ABCB5: variants seen among roughly 807,000 people sequenced by gnomAD.
The protein encoded by ABCB5 is ATP binding cassette subfamily B member 5.
Under a neutral mutation model 144.2 loss-of-function variants are expected in ABCB5, and 155 were observed. That is an observed-to-expected ratio of 1.08 (90% confidence interval 0.94 to 1.23). The LOEUF (loss-of-function observed/expected upper bound fraction) is 1.23. ABCB5 is among the 50% of genes most tolerant of loss of function. The pLI is 0.00. For missense variants in ABCB5, 1,830 were observed against 1,520.8 expected, an observed-to-expected ratio of 1.20 and a Z score of -3.38; for synonymous variants, 610 against 528.6, an observed-to-expected ratio of 1.15 and a Z score of -2.11.
At chr7:20,666,650 T>C (rs1481421083) in intron 14 of ABCB5, 7 of 1,372,290 alleles carry the variant, frequency 5.1e-6, no homozygotes, top group Non-Finnish European at 5.7e-6. Flanking sequence ...CCTGTCTTCC[T>C]GGTGACCTTT....
At chr7:20,653,296 G>T (rs1784665097) in intron 13 of ABCB5, among the ~76,000 whole-genome samples, 1 of 152,168 alleles carries the variant, frequency 6.6e-6, no homozygotes. Context: ...AGCTTATCAT[G>T]ATGAAACCTA....
chr7:20,707,808 T>C (rs926510141), intron 20 of ABCB5, among the ~76,000 whole-genome samples: 2,295 of 142,370 alleles, frequency 0.016, 35 homozygotes, highest in Non-Finnish European at 0.026. Context: ...TTTCTTTTTT[T>C]TTTTTTTTTT....
chr7:20,726,358 CTTTTTTTTTT>C (rs1172285058), intron 21 of ABCB5, among the ~76,000 whole-genome samples: 4 of 78,420 alleles, frequency 5.1e-5, no homozygotes, highest in African/African-American at 1.1e-4. Flanking sequence ...TCTCTGCTAT[CTTTTTTTTTT>C]TTTTTTTTTT....
chr7:20,697,231 T>G (rs1160426619), intron 16 of ABCB5, among the ~76,000 whole-genome samples: 1 of 152,160 alleles, frequency 6.6e-6, no homozygotes, highest in African/African-American at 2.4e-5. Flanking sequence ...AAAATGGACT[T>G]TAAAGGCATC....
intron 3 of ABCB5, among the ~76,000 whole-genome samples, chr7:20,627,845 G>A (rs1247356804): frequency 6.6e-6 from 1 of 152,176 alleles, no homozygotes; most frequent in African/African-American, 2.4e-5. Context: ...CGTTGAAAAT[G>A]TGCAGATCAG....
rs139479024 is a variant in ABCB5, at chr7:20,742,991, G to C, written c.3139G>C (p.Ala1047Pro). 2.5e-5 allele frequency: 41 copies of C among 1,614,160 alleles called. No individual in the cohort carries two copies. In the African/African-American group the frequency reaches 5.2e-4, roughly 20 times the overall value. Residue 1047 changes from alanine to proline, a missense_variant, in exon 25 of 28, where the codon GCA becomes CCA. By Grantham distance (27) the Ala-to-Pro change is conservative. Transcript: ENST00000404938. ...CAGTATTGAGCGAGGAAAGACAGTA[G>C]CATTTGTGGGGAGCAGCGGCTGTGG... ...SLSIERGKTV[A>P]FVGSSGCGKS... is the part of the protein sequence containing the mutation.
intron 26 of ABCB5, among the ~76,000 whole-genome samples, chr7:20,746,373 C>T (rs1177606193): frequency 6.6e-6 from 1 of 152,248 alleles, no homozygotes; most frequent in Non-Finnish European, 1.5e-5. Flanking sequence ...GCTGGGATTA[C>T]AGGCGTGAGC....
At chr7:20,709,131 T>C (rs1786923033) in intron 20 of ABCB5, among the ~76,000 whole-genome samples, 2 of 152,214 alleles carry the variant, frequency 1.3e-5, no homozygotes, top group South Asian at 4.1e-4. Context: ...GAGCAACTGT[T>C]CTCACCAAAT....
chr7:20,647,266 C>A (rs997623337), intron 9 of ABCB5: 3 of 1,171,538 alleles, frequency 2.6e-6, no homozygotes, highest in Non-Finnish European at 2.1e-6. Context: ...CATGTGATAA[C>A]CACAAGACTA....
chr7:20,640,891 T>C (rs1398948328), intron 5 of ABCB5, among the ~76,000 whole-genome samples: 1 of 152,174 alleles, frequency 6.6e-6, no homozygotes, highest in Non-Finnish European at 1.5e-5. Flanking sequence ...GCAGATTCTT[T>C]CTCTTCATCC....
chr7:20,619,836 C>T (rs1337477071), intron 1 of ABCB5, among the ~76,000 whole-genome samples: 1 of 152,160 alleles, frequency 6.6e-6, no homozygotes, highest in Non-Finnish European at 1.5e-5. Flanking sequence ...TTTAATCAAT[C>T]TTGAGTTAAT....
chr7:20,682,661 A>G (rs146231832), intron 15 of ABCB5, among the ~76,000 whole-genome samples: 5 of 152,334 alleles, frequency 3.3e-5, no homozygotes, highest in African/African-American at 1.2e-4. Flanking sequence ...GACTTAACGT[A>G]TGTAGGAAGC....
chr7:20,725,551 C>A (rs1474879932), intron 21 of ABCB5, among the ~76,000 whole-genome samples: 1 of 152,164 alleles, frequency 6.6e-6, no homozygotes, highest in East Asian at 1.9e-4. Flanking sequence ...TGCACTCCAG[C>A]CTGGGCAACA....
intron 20 of ABCB5, among the ~76,000 whole-genome samples, chr7:20,721,698 G>C (rs1369748139): frequency 2.0e-5 from 3 of 152,244 alleles, no homozygotes; most frequent in East Asian, 3.9e-4. Flanking sequence ...GAGATAATTT[G>C]TGTGAACGGT....
At chr7:20,670,738 T>C (rs1000973996) in intron 14 of ABCB5, among the ~76,000 whole-genome samples, 1 of 152,094 alleles carries the variant, frequency 6.6e-6, no homozygotes, top group African/African-American at 2.4e-5. Flanking sequence ...AGAGAAACCA[T>C]GTCTCTAATA....
At chr7:20,725,687 T>C (rs1314311488) in intron 21 of ABCB5, among the ~76,000 whole-genome samples, 1 of 152,216 alleles carries the variant, frequency 6.6e-6, no homozygotes, top group South Asian at 2.1e-4. Context: ...AAATTGGAGA[T>C]TTTTTTAATG....
chr7:20,741,134 A>G (rs1782550146), intron 24 of ABCB5, among the ~76,000 whole-genome samples: 2 of 151,264 alleles, frequency 1.3e-5, no homozygotes, highest in Non-Finnish European at 2.9e-5. Context: ...AAGTCTGGTC[A>G]AACAAAATTG....
At chr7:20,740,013 C>T (rs900191830) in intron 24 of ABCB5, among the ~76,000 whole-genome samples, 25 of 152,196 alleles carry the variant, frequency 1.6e-4, no homozygotes, top group Admixed American at 1.0e-3. Context: ...GGGTGGATCA[C>T]GAGGTCAGGA....
chr7:20,648,066 A>G lies in ABCB5; in HGVS notation c.1194A>G (p.Arg398=), dbSNP rs1392438940. ...ATGTTTCTTTCAATTATCCATCAAG[A>G]CCATCTATCAAGGTAGGTTAAAACA... ...FKNVSFNYPS[R]PSIKILKGLN... Residue 398 remains arginine, a synonymous_variant, in exon 11 of 28, where the codon AGA becomes AGG. Coordinates refer to ENST00000404938, the MANE Select transcript of ABCB5 (RefSeq NM_001163941.2). 11 of 1,591,734 alleles carry G rather than the reference A, an allele frequency of 6.9e-6. No homozygotes were observed. Among genetic ancestry groups the G allele is most frequent in the South Asian group, 5.5e-5 (5 of 90,268 alleles).
Sources: gnomAD v4.1 joint callset for allele counts (sites outside exome capture counted in the v4.1 genomes callset) on GRCh38, gnomAD v4.1.1 for gene constraint, MANE v1.5 for transcripts, NCBI Gene and HGNC (gene_info 2026-07-23, HGNC 2026-07-21) for gene names.